VPS13D: variants seen among roughly 807,000 people sequenced by gnomAD.
The protein encoded by VPS13D is vacuolar protein sorting 13 homolog D, also known as intermembrane lipid transfer protein VPS13D.
Under a neutral mutation model 461.9 loss-of-function variants are expected in VPS13D, and 187 were observed. That is an observed-to-expected ratio of 0.40 (90% CI 0.36 to 0.46). The LOEUF is 0.46. VPS13D is among the 20% of genes least tolerant of loss of function. The pLI is 0.60. For synonymous variants in VPS13D, 1,951 were observed against 1,986.3 expected (o/e 0.98, Z 0.47); for missense variants, 4,711 against 5,364.9 (o/e 0.88, Z 3.81).
At chr1:12,324,538 T>A (rs565993097) in intron 35 of VPS13D, among the ~76,000 whole-genome samples, 1 of 152,182 alleles carries the variant, frequency 6.6e-6, no homozygotes, top group South Asian at 2.1e-4. Flanking sequence ...GCTGACTGGG[T>A]TCAGATCCTT....
At chr1:12,358,193 A>G (rs1380354823) in intron 49 of VPS13D, among the ~76,000 whole-genome samples, 2 of 152,176 alleles carry the variant, frequency 1.3e-5, no homozygotes, top group Admixed American at 6.5e-5. Context: ...TGTTATATTC[A>G]TAGAATCCTA....
In VPS13D at chr1:12,511,103, G is replaced by T. The variant is rs1008771704; in HGVS notation, c.*2079G>T. 2 of 152,258 alleles carry T rather than the reference G, an allele frequency of 1.3e-5. No homozygotes were observed. The highest frequency in any genetic ancestry group is 4.8e-5 in the African/African-American group (2 of 41,444). The allele number at this position is 152,258 out of a possible 1,614,324, so 9.4% of individuals were successfully genotyped here. A position where few individuals can be genotyped will look rare whatever the true frequency, so the allele number is the denominator to read the frequency against. On this transcript the variant is annotated 3_prime_UTR_variant, in exon 70 of 70. Coordinates refer to ENST00000620676, the MANE Select transcript of VPS13D (RefSeq NM_015378.4). This position sits in a 1 kb window ranked among gnomAD's most constrained non-coding sequence, Gnocchi z 4.5. The stretch of plus-strand genomic sequence containing the variant: ...ACCTGACTGAGGAAGTTAGCTGCGG[G>T]CTGCCCTGTGGGCTGGTGCTTCAGG...
At chr1:12,339,405 C>T (rs1286907746) in intron 40 of VPS13D, among the ~76,000 whole-genome samples, 1 of 152,186 alleles carries the variant, frequency 6.6e-6, no homozygotes, top group Non-Finnish European at 1.5e-5. Context: ...CATAGCATGA[C>T]AACCTACACT....
chr1:12,285,633 C>G (rs1428393199), intron 21 of VPS13D, among the ~76,000 whole-genome samples: 1 of 152,118 alleles, frequency 6.6e-6, no homozygotes, highest in Admixed American at 6.6e-5. Context: ...TCATTTCACT[C>G]TACATACGTC....
intron 60 of VPS13D, among the ~76,000 whole-genome samples, chr1:12,387,562 A>G (rs1342356809): frequency 6.6e-6 from 1 of 152,096 alleles, no homozygotes; most frequent in African/African-American, 2.4e-5. Flanking sequence ...AAGTAGGGAG[A>G]CTAATTGGTC....
Position 12,283,269 on chromosome 1 carries a change from C to T in VPS13D, c.5167C>T (p.Arg1723Trp), listed in dbSNP as rs763650242. 3.7e-6 allele frequency: 6 copies of T among 1,613,968 alleles called. No individual in the cohort carries two copies. Among genetic ancestry groups the T allele is most frequent in the Middle Eastern group, 1.6e-4 (1 of 6,084 alleles). The part of the protein sequence containing the change: ...VSNVEYPDMP[R>W]SLPSHMEEAP... ...CAATGTGGAATATCCTGATATGCCT[C>T]GGTCTCTCCCTTCCCACATGGAAGA... is the stretch of plus-strand genomic sequence containing the variant. The change falls in exon 21 of 70, where the codon CGG becomes TGG. Residue 1723 changes from arginine to tryptophan, a missense_variant. Physicochemically the swap from Arg to Trp is moderately radical, Grantham distance 101 (BLOSUM62 -3). Transcript: ENST00000620676.
At chr1:12,459,080 C>T (rs1261323103) in intron 66 of VPS13D, among the ~76,000 whole-genome samples, 1 of 152,142 alleles carries the variant, frequency 6.6e-6, no homozygotes, top group Non-Finnish European at 1.5e-5. Context: ...CCAGTCACCC[C>T]CATAGTGTTC....
intron 26 of VPS13D, among the ~76,000 whole-genome samples, chr1:12,308,108 T>C (rs548656061): frequency 6.6e-6 from 1 of 152,116 alleles, no homozygotes; most frequent in South Asian, 2.1e-4. Flanking sequence ...GCCTATGGAG[T>C]CAGATTTCGT....
rs1475717656 is a variant in VPS13D, at chr1:12,502,325, C to T, written c.12795-4528C>T. 6.6e-6 allele frequency among the ~76,000 whole-genome samples: 1 copy of T among 152,096 alleles called. No homozygotes were observed. Among genetic ancestry groups the T allele is most frequent in the Non-Finnish European group, 1.5e-5 (1 of 68,018 alleles). ...GCAGCATCAGTGGAACCCTCAACTGCTAAATTGGAATCTGAGTGAGGAGGA... is the reference window on the plus strand; with the variant it reads ...GCAGCATCAGTGGAACCCTCAACTGTTAAATTGGAATCTGAGTGAGGAGGA... On this transcript the variant is annotated intron_variant, in intron 68 of 69. Coordinates refer to ENST00000620676, the MANE Select transcript of VPS13D (RefSeq NM_015378.4). This position sits in a 1 kb window ranked among gnomAD's most constrained non-coding sequence, Gnocchi z 4.3.
At chr1:12,400,962 G>GCGCGCGCACA (rs1253464149) in intron 61 of VPS13D, among the ~76,000 whole-genome samples, 20 of 106,294 alleles carry the variant, frequency 1.9e-4, no homozygotes, top group Non-Finnish European at 3.3e-4. Flanking sequence ...CTGCGCGCGC[G>GCGCGCGCACA]CACACACACA....
At chr1:12,255,220 A>G (rs1640879218) in intron 7 of VPS13D, among the ~76,000 whole-genome samples, 1 of 152,218 alleles carries the variant, frequency 6.6e-6, no homozygotes, top group African/African-American at 2.4e-5. Flanking sequence ...TGCTGGGATT[A>G]CAGGCGTGAG....
intron 55 of VPS13D, among the ~76,000 whole-genome samples, chr1:12,378,091 A>G (rs1169840297): frequency 1.3e-5 from 2 of 152,188 alleles, no homozygotes; most frequent in Non-Finnish European, 2.9e-5. Context: ...GGCAGTGATC[A>G]TGGCAGTATA....
At chr1:12,373,591 C>G (rs1216417397) in intron 54 of VPS13D, among the ~76,000 whole-genome samples, 159 bp from the exon 55 acceptor site, 1 of 151,530 alleles carries the variant, frequency 6.6e-6, no homozygotes, top group East Asian at 1.9e-4. Flanking sequence ...CCTGATCTTT[C>G]TGCTCTTGCA....
chr1:12,264,380 C>G (rs1178405775), intron 13 of VPS13D, among the ~76,000 whole-genome samples: 1 of 152,184 alleles, frequency 6.6e-6, no homozygotes, highest in Non-Finnish European at 1.5e-5. Context: ...TGAGATAGGC[C>G]AAAAGCTAGG....
chr1:12,414,334 A>G lies in VPS13D; in HGVS notation c.12031-753A>G, dbSNP rs368219074. 2.6e-4 allele frequency among the ~76,000 whole-genome samples: 40 copies of G among 152,218 alleles called. 3 individuals are homozygous for G. Among genetic ancestry groups the G allele is most frequent in the Admixed American group, 2.1e-3 (32 of 15,280 alleles). On this transcript the variant is annotated intron_variant, in intron 63 of 69. Coordinates refer to ENST00000620676, the MANE Select transcript of VPS13D (RefSeq NM_015378.4). The stretch of plus-strand genomic sequence containing the variant: ...GTTGTTTATAGCAGCATTATTCATA[A>G]TATCAAAAAGCCTGAAACAACCCAA...
rs531547286 is a variant in VPS13D, at chr1:12,285,295, T to A, written c.5634+1559T>A. 3.9e-4 allele frequency among the ~76,000 whole-genome samples: 58 copies of A among 146,954 alleles called. 1 individual carries two copies. Among genetic ancestry groups the A allele is most frequent in the African/African-American group, 1.3e-3 (51 of 39,644 alleles). ...TTATTTATTTATTTATTTATTTATT[T>A]ATTTTTTTTTTTTGAGACGGAGTCT... On this transcript the variant is annotated intron_variant, in intron 21 of 69. Coordinates refer to ENST00000620676, the MANE Select transcript of VPS13D (RefSeq NM_015378.4).
rs1293251170 is a variant in VPS13D at position 12,271,048 on chromosome 1, A to G, written c.2027A>G (p.Gln676Arg). Residue 676 changes from glutamine to arginine, a missense_variant, in exon 17 of 70, where the codon CAA (glutamine) becomes CGA (arginine). This residue lies in a region of VPS13D where 4,411 missense variants were observed against 4,937.8 expected (regional missense o/e 0.89). Transcript: ENST00000620676. ...AGAGTGGCTGAAGCTGCCCGAAGAC[A>G]ATATAACAAGCTGAAGATGCAGACC... Reference protein sequence around the residue: ...ELRVAEAARRQYNKLKMQTKA... With the variant: ...ELRVAEAARRRYNKLKMQTKA... 1.2e-5 allele frequency: 20 copies of G among 1,613,896 alleles called. No individual in the cohort carries two copies. The highest frequency in any genetic ancestry group is 1.7e-5 in the Admixed American group (1 of 59,986).
chr1:12,392,561 A>G lies in VPS13D; in HGVS notation c.11634+6227A>G, dbSNP rs970089399. ...TATAAATGTTAAAAAAAAAAAAAAA[A>G]AAAGAAAGCACACAGTTCAGGATGG... On this transcript the variant is annotated intron_variant, in intron 60 of 69. Transcript: ENST00000620676. Among the ~76,000 whole-genome samples, 52 of 151,464 alleles carry G rather than the reference A, an allele frequency of 3.4e-4. 1 individual carries two copies. The East Asian group carries it at 8.7e-3, about 25-fold the overall frequency.
intron 17 of VPS13D, among the ~76,000 whole-genome samples, chr1:12,271,393 G>T (rs572204693): frequency 6.6e-6 from 1 of 152,150 alleles, no homozygotes; most frequent in Non-Finnish European, 1.5e-5. Context: ...TTTGTGCTGG[G>T]TGCTATGGCT....
Sources: allele counts gnomAD v4.1 joint callset (sites outside exome capture counted in the v4.1 genomes callset), GRCh38; gene constraint gnomAD v4.1.1; regional missense constraint gnomAD v4.1.1; non-coding constraint Gnocchi (gnomAD v3.1); transcripts MANE v1.5; gene names NCBI Gene and HGNC (gene_info 2026-07-23, HGNC 2026-07-21).